BBS2: variants seen among roughly 807,000 people sequenced by gnomAD.
BBS2 encodes the protein Bardet-Biedl syndrome 2.
Under a neutral mutation model 83.0 loss-of-function variants are expected in BBS2, and 62 were observed. The observed-to-expected ratio is 0.75, with a 90% CI of 0.61 to 0.92. BBS2 has a LOEUF of 0.92. Ranked by LOEUF, BBS2 falls within the 40% of genes least tolerant of loss-of-function variation. The pLI is 0.00. For synonymous variants in BBS2, 303 were observed against 326.1 expected (o/e 0.93, Z 0.76); for missense variants, 784 against 901.0 (o/e 0.87, Z 1.66).
chr16:56,505,050 A>T (rs1964385975), intron 7 of BBS2, among the ~76,000 whole-genome samples: 1 of 152,330 alleles, frequency 6.6e-6, no homozygotes, highest in South Asian at 2.1e-4. Context: ...GGGGCTTCCC[A>T]GCCTCCAGAA....
At chr16:56,511,022 T>C in intron 3 of BBS2, 101 bp from the exon 4 acceptor site, 3 of 1,558,264 alleles carry the variant, frequency 1.9e-6, no homozygotes, top group Admixed American at 3.3e-5. Context: ...CACGAATGAA[T>C]GCTATTCGAA....
At chr16:56,475,897 A>G (rs1289660028) in intron 17 of BBS2, 2 of 704,584 alleles carry the variant, frequency 2.8e-6, no homozygotes, top group Non-Finnish European at 4.7e-6. Flanking sequence ...ATGGCTTGAC[A>G]GCCACCCCTA....
chr16:56,494,373 T>C (rs1964052495), intron 15 of BBS2, among the ~76,000 whole-genome samples: 2 of 151,734 alleles, frequency 1.3e-5, no homozygotes, highest in African/African-American at 2.4e-5. Context: ...TATTTTCTCA[T>C]TGAAAAAAAA....
chr16:56,475,592 C>G, intron 17 of BBS2: 1 of 1,601,890 alleles, frequency 6.2e-7, no homozygotes, highest in Non-Finnish European at 8.6e-7. Flanking sequence ...AGCAAACTAT[C>G]ATTTTTAGTT....
downstream of BBS2, among the ~76,000 whole-genome samples, chr16:56,481,760 A>C (rs561643372): frequency 6.6e-6 from 1 of 152,344 alleles, no homozygotes; most frequent in South Asian, 2.1e-4. Context: ...GAACAGGATG[A>C]GTTCTAAGTT....
intron 15 of BBS2, among the ~76,000 whole-genome samples, chr16:56,488,415 TTTGA>T (rs1963848305): frequency 1.3e-5 from 2 of 152,186 alleles, no homozygotes; most frequent in South Asian, 2.1e-4. Context: ...CCTCTGTGGG[TTTGA>T]TTAATTTACT....
chr16:56,480,352 C>CCAAAAAAAAAAAAAAAAAA (rs1555519770), downstream of BBS2, among the ~76,000 whole-genome samples: 2 of 76,540 alleles, frequency 2.6e-5, no homozygotes, highest in Non-Finnish European at 4.7e-5. Flanking sequence ...CACACACACA[C>CCAAAAAAAAAAAAAAAAAA]AAAAAAAAAA....
intron 5 of BBS2, among the ~76,000 whole-genome samples, chr16:56,507,852 C>G (rs1320784403): frequency 6.6e-6 from 1 of 152,104 alleles, no homozygotes; most frequent in Non-Finnish European, 1.5e-5. Flanking sequence ...CCTGTAATCC[C>G]AGCTACTCGG....
intron 12 of BBS2, chr16:56,499,383 C>A: frequency 6.9e-6 from 2 of 291,596 alleles, no homozygotes; most frequent in Non-Finnish European, 6.7e-6. Flanking sequence ...GGGGACTTCC[C>A]CAAGATCACT....
intron 15 of BBS2, among the ~76,000 whole-genome samples, chr16:56,492,672 A>T (rs1372208009): frequency 2.6e-5 from 4 of 152,204 alleles, no homozygotes; most frequent in African/African-American, 9.7e-5. Context: ...AATAAAATTT[A>T]AAAAATAAAA....
intron 17 of BBS2, among the ~76,000 whole-genome samples, chr16:56,471,561 CTA>C (rs1963185820): frequency 6.6e-6 from 1 of 152,198 alleles, no homozygotes; most frequent in African/African-American, 2.4e-5. Flanking sequence ...GCACTTACTA[CTA>C]TGTCAGTGAG....
chr16:56,518,806 C>T (rs771387677), intron 1 of BBS2, among the ~76,000 whole-genome samples: 4 of 152,144 alleles, frequency 2.6e-5, no homozygotes, highest in Admixed American at 6.5e-5. Context: ...CTTTTACATC[C>T]GAGTCTCCAA....
chr16:56,515,713 A>G (rs1342531285), intron 1 of BBS2, among the ~76,000 whole-genome samples: 2 of 152,272 alleles, frequency 1.3e-5, no homozygotes, highest in African/African-American at 4.8e-5. Context: ...AAAAGAATTG[A>G]CTAAAAACAT....
At chr16:56,516,586 A>G (rs1379581486) in intron 1 of BBS2, among the ~76,000 whole-genome samples, 8 of 152,054 alleles carry the variant, frequency 5.3e-5, no homozygotes, top group African/African-American at 1.9e-4. Flanking sequence ...TAGTAGAGAC[A>G]GGGTTTCAGT....
chr16:56,514,716 T>C, intron 1 of BBS2, 36 bp from the exon 2 acceptor site: 1 of 1,464,286 alleles, frequency 6.8e-7, no homozygotes, highest in Non-Finnish European at 9.4e-7. Context: ...TCCCTTAAAA[T>C]ATAAAAAATT....
chr16:56,501,073 A>G (rs1964257063), intron 10 of BBS2, 48 bp from the exon 11 acceptor site: 1 of 1,599,512 alleles, frequency 6.3e-7, no homozygotes, highest in Non-Finnish European at 8.6e-7. Context: ...AACTTTGGGA[A>G]GCTGAGGTGG....
intron 15 of BBS2, among the ~76,000 whole-genome samples, chr16:56,491,725 C>CAAAAAAAAAAAAAAA (rs773397021): frequency 9.3e-5 from 4 of 43,208 alleles, no homozygotes; most frequent in South Asian, 6.4e-4. Context: ...AACTCAACAG[C>CAAAAAAAAAAAAAAA]AAAAAAAAAA....
downstream of BBS2, among the ~76,000 whole-genome samples, chr16:56,480,346 C>T (rs1287893942): frequency 1.5e-4 from 5 of 33,050 alleles, no homozygotes; most frequent in African/African-American, 1.4e-3. Context: ...CTCACACACA[C>T]ACACACAAAA....
At chr16:56,504,906 G>A (rs1964381856) in intron 7 of BBS2, among the ~76,000 whole-genome samples, 1 of 152,176 alleles carries the variant, frequency 6.6e-6, no homozygotes, top group East Asian at 1.9e-4. Flanking sequence ...TAGGTCATAA[G>A]GGCAGAGCCC....
Sources: gnomAD v4.1 joint callset for allele counts (sites outside exome capture counted in the v4.1 genomes callset) on GRCh38, gnomAD v4.1.1 for gene constraint, MANE v1.5 for transcripts, NCBI Gene and HGNC (gene_info 2026-07-23, HGNC 2026-07-21) for gene names.